VDAC1: variants seen among roughly 807,000 people sequenced by gnomAD.
The protein encoded by VDAC1 is voltage dependent anion channel 1, also known as non-selective voltage-gated ion channel VDAC1.
Under a neutral mutation model 34.7 loss-of-function variants are expected in VDAC1, and 10 were observed. That is an observed-to-expected ratio of 0.29 (90% confidence interval 0.18 to 0.49). The LOEUF is 0.49. Among genes scored for constraint, VDAC1 ranks in the 20% least tolerant of loss-of-function variants. The pLI, the probability that VDAC1 is intolerant of heterozygous loss-of-function variation, is 0.99. For synonymous variants in VDAC1, 130 were observed against 136.0 expected, an observed-to-expected ratio of 0.96 and a Z score of 0.30; for missense variants, 230 against 347.9, an observed-to-expected ratio of 0.66 and a Z score of 2.69.
the VDAC1 span, among the ~76,000 whole-genome samples, chr5:134,090,875 A>AT: frequency 3.9e-5 from 6 of 152,178 alleles, no homozygotes. Flanking sequence ...CCTCTCAAGG[A>AT]TTTTGAATCC....
intron 1 of VDAC1, among the ~76,000 whole-genome samples, chr5:134,002,706 T>G (rs1474455356): frequency 6.6e-6 from 1 of 152,176 alleles, no homozygotes; most frequent in Non-Finnish European, 1.5e-5. Context: ...GGCTCACGCG[T>G]GTAATCCCAG....
chr5:134,084,746 A>G, the VDAC1 span, among the ~76,000 whole-genome samples: 4 of 152,258 alleles, frequency 2.6e-5, no homozygotes, highest in Non-Finnish European at 4.4e-5. Flanking sequence ...AAGCATGTGA[A>G]TGGGCTTCAA....
chr5:134,029,830 T>A, the VDAC1 span, among the ~76,000 whole-genome samples: 1 of 152,128 alleles, frequency 6.6e-6, no homozygotes, highest in East Asian at 1.9e-4. Flanking sequence ...CTGGGATAGT[T>A]CTGTATCACG....
the VDAC1 span, among the ~76,000 whole-genome samples, chr5:134,017,758 A>C: frequency 6.6e-6 from 1 of 151,310 alleles, no homozygotes; most frequent in East Asian, 2.0e-4. Context: ...CTAAAAATAC[A>C]AAAAATTAGC....
At chr5:134,102,170 G>C in the VDAC1 span, among the ~76,000 whole-genome samples, 3 of 152,068 alleles carry the variant, frequency 2.0e-5, no homozygotes, top group Non-Finnish European at 2.9e-5. Flanking sequence ...GCCACCAGGG[G>C]GGGTCTGTGA....
Position 133,992,334 on chromosome 5 carries a change from T to C in VDAC1, c.89A>G (p.Asp30Gly). 6.3e-7 allele frequency: 1 copy of C among 1,584,316 alleles called. No homozygotes were observed. Among genetic ancestry groups the C allele is most frequent in the East Asian group, 2.3e-5 (1 of 42,578 alleles). ...KGYGFGLIKL[D>G]LKTKSENGLE... ...TCCATTCTCAGATTTTGTTTTCAAA[T>C]CAAGCTTTATTAAGCCAAATCCTAA... The change falls in exon 3 of 9, where the codon GAT becomes GGT. Residue 30 changes from aspartate (D) to glycine (G), a missense_variant. Physicochemically the swap from Asp to Gly is moderately conservative, Grantham distance 94. Transcript: ENST00000265333.
chr5:134,046,453 G>T, the VDAC1 span, among the ~76,000 whole-genome samples: 1 of 152,164 alleles, frequency 6.6e-6, no homozygotes, highest in Non-Finnish European at 1.5e-5. Flanking sequence ...TTACAGGCAT[G>T]AGCCACCATG....
the VDAC1 span, among the ~76,000 whole-genome samples, chr5:134,091,264 G>C: frequency 7.2e-5 from 11 of 152,172 alleles, no homozygotes; most frequent in African/African-American, 2.7e-4. Flanking sequence ...CCCTGGAAAT[G>C]CTCCCTGTCC....
At chr5:134,035,176 G>T in the VDAC1 span, among the ~76,000 whole-genome samples, 5 of 152,158 alleles carry the variant, frequency 3.3e-5, no homozygotes, top group African/African-American at 7.2e-5. Flanking sequence ...GATGAACCTG[G>T]CACATCTTGC....
chr5:134,092,983 G>A, the VDAC1 span, among the ~76,000 whole-genome samples: 1 of 152,218 alleles, frequency 6.6e-6, no homozygotes, highest in Non-Finnish European at 1.5e-5. Flanking sequence ...CTGCAGCAAA[G>A]GCCTCTTTCA....
chr5:133,979,013 T>C (rs1752584222), intron 6 of VDAC1, among the ~76,000 whole-genome samples: 1 of 151,890 alleles, frequency 6.6e-6, no homozygotes, highest in Admixed American at 6.6e-5. Context: ...CACCAAAAAA[T>C]AATAATAATA....
chr5:134,033,236 C>A, the VDAC1 span, among the ~76,000 whole-genome samples: 1 of 147,680 alleles, frequency 6.8e-6, no homozygotes. Flanking sequence ...CGGCTCACTG[C>A]AATCTCCACC....
At chr5:134,020,435 C>T in the VDAC1 span, among the ~76,000 whole-genome samples, 3 of 152,024 alleles carry the variant, frequency 2.0e-5, no homozygotes, top group Admixed American at 6.6e-5. Context: ...AGCCAAGGAC[C>T]CCACCCCTTG....
intron 1 of VDAC1, among the ~76,000 whole-genome samples, chr5:133,996,016 C>T (rs555867236): frequency 2.0e-4 from 31 of 152,268 alleles, no homozygotes; most frequent in Non-Finnish European, 4.1e-4. Flanking sequence ...GCATCCACCC[C>T]CCAGGGGCCT....
At chr5:133,980,689 A>ACGG in intron 6 of VDAC1, 40 bp downstream of exon 6, 2 of 564,054 alleles carry the variant, frequency 3.5e-6, no homozygotes, top group Non-Finnish European at 3.4e-6. Context: ...ACATGCTCCA[A>ACGG]CCCCACCCCT....
the VDAC1 span, among the ~76,000 whole-genome samples, chr5:134,087,532 G>A: frequency 1.3e-5 from 2 of 152,114 alleles, no homozygotes; most frequent in Admixed American, 6.6e-5. Flanking sequence ...GGCAGTACTC[G>A]CCTTCATGTA....
At chr5:134,030,918 G>A in the VDAC1 span, among the ~76,000 whole-genome samples, 2 of 151,930 alleles carry the variant, frequency 1.3e-5, no homozygotes, top group African/African-American at 4.8e-5. Flanking sequence ...CAGCCTCTCT[G>A]CAGCTTTCTG....
the VDAC1 span, among the ~76,000 whole-genome samples, chr5:134,077,367 G>A: frequency 4.0e-5 from 6 of 151,672 alleles, no homozygotes; most frequent in Admixed American, 2.0e-4. Context: ...CCCTGGCACA[G>A]GAAAAAAAAC....
the VDAC1 span, among the ~76,000 whole-genome samples, chr5:134,045,991 C>CTT: frequency 9.4e-3 from 1,359 of 143,958 alleles, 21 homozygotes; most frequent in East Asian, 0.032. Context: ...GGCAATTCTT[C>CTT]TTTTTTTTTT....
Sources: allele counts gnomAD v4.1 joint callset (sites outside exome capture counted in the v4.1 genomes callset), GRCh38; gene constraint gnomAD v4.1.1; transcripts MANE v1.5; gene names NCBI Gene and HGNC (gene_info 2026-07-23, HGNC 2026-07-21).